Variants in CDH13 observed in about 807,000 individuals in gnomAD.
CDH13 encodes the protein cadherin 13.
Under a neutral mutation model 63.8 loss-of-function variants are expected in CDH13, and 24 were observed. That is an observed-to-expected ratio of 0.38 (90% CI 0.27 to 0.53). CDH13 has a LOEUF of 0.53. CDH13 is among the 20% of genes least tolerant of loss of function. The pLI, the probability that CDH13 is intolerant of heterozygous loss-of-function variation, is 0.85. For synonymous variants in CDH13, 503 were observed against 355.3 expected (o/e 1.42, Z -4.67); for missense variants, 1,049 against 903.1 (o/e 1.16, Z -2.07).
In CDH13 at chr16:83,214,603, G is replaced by C. The variant is rs1327707273; in HGVS notation, c.484-2742G>C. On this transcript the variant is annotated intron_variant, in intron 4 of 13. Coordinates refer to ENST00000567109, the MANE Select transcript of CDH13 (RefSeq NM_001257.5). ...TCAAAAAAAAAAAAAAAAAAAAAAA[G>C]AGGAAACCACCTATTCCCTCAGAAA... Among the ~76,000 whole-genome samples, 2 of 56,888 alleles carry C rather than the reference G, an allele frequency of 3.5e-5. 1 individual carries two copies. The highest frequency in any genetic ancestry group is 3.6e-4 in the Admixed American group (2 of 5,574). 37.3% of individuals were successfully genotyped at this position (56,888 alleles called of 152,430 possible).
chr16:82,912,116 G>T (rs1233417885), intron 2 of CDH13, among the ~76,000 whole-genome samples: 1 of 152,026 alleles, frequency 6.6e-6, no homozygotes. Flanking sequence ...AAACCTGTGG[G>T]AACAGCAGCT....
intron 6 of CDH13, among the ~76,000 whole-genome samples, chr16:83,408,744 C>G (rs546528826): frequency 1.3e-5 from 2 of 152,270 alleles, no homozygotes; most frequent in African/African-American, 2.4e-5. Flanking sequence ...TAAATGTAAC[C>G]TTCAGTTAAA....
intron 7 of CDH13, among the ~76,000 whole-genome samples, chr16:83,589,745 C>T (rs1906553607): frequency 1.3e-5 from 2 of 152,246 alleles, no homozygotes; most frequent in Middle Eastern, 3.4e-3. Flanking sequence ...AATTGCTATA[C>T]AGTGTCATTA....
chr16:83,580,045 C>G (rs1430245686), intron 7 of CDH13, among the ~76,000 whole-genome samples: 2 of 152,016 alleles, frequency 1.3e-5, no homozygotes, highest in Non-Finnish European at 2.9e-5. Context: ...GAATTAAGTA[C>G]TGCTGATAGA....
chr16:83,029,083 TTAAC>T (rs533318062), intron 2 of CDH13, among the ~76,000 whole-genome samples: 16 of 152,206 alleles, frequency 1.1e-4, no homozygotes, highest in Non-Finnish European at 1.8e-4. Context: ...ATTGTAAAGA[TTAAC>T]TAAGGTGATG....
chr16:83,135,125 C>A (rs1444363479), intron 4 of CDH13, among the ~76,000 whole-genome samples: 1 of 152,184 alleles, frequency 6.6e-6, no homozygotes, highest in East Asian at 1.9e-4. Flanking sequence ...TGGATCTAAG[C>A]CAAACATGGC....
At chr16:83,623,690 A>C (rs1459997318) in intron 8 of CDH13, among the ~76,000 whole-genome samples, 1 of 152,194 alleles carries the variant, frequency 6.6e-6, no homozygotes, top group Non-Finnish European at 1.5e-5. Flanking sequence ...GGTCTATAAT[A>C]ACCACGCACT....
chr16:83,191,530 C>T (rs112994606), intron 4 of CDH13, among the ~76,000 whole-genome samples: 21,169 of 72,814 alleles, frequency 0.29, 2,575 homozygotes, highest in Middle Eastern at 0.43. Flanking sequence ...CACACACACA[C>T]ATATATATAT....
At chr16:83,403,782 A>G (rs1405926890) in intron 6 of CDH13, among the ~76,000 whole-genome samples, 2 of 152,200 alleles carry the variant, frequency 1.3e-5, no homozygotes, top group Non-Finnish European at 2.9e-5. Context: ...CTCCACCAAC[A>G]TGGAATCCAT....
rs1239891398 is a variant in CDH13, at chr16:83,217,289, G to A, written c.484-56G>A. The stretch of plus-strand genomic sequence containing the variant: ...TTGCTCATGGGAGTATGTTTGCAAT[G>A]TGCTTTCTCTGTGTTTTCCAGGCAG... On this transcript the variant is annotated intron_variant, in intron 4 of 13. Coordinates refer to ENST00000567109, the MANE Select transcript of CDH13 (RefSeq NM_001257.5). 4 of 1,581,264 alleles carry A rather than the reference G, an allele frequency of 2.5e-6. No individual in the cohort carries two copies. The East Asian group carries it at 9.0e-5, about 35-fold the overall frequency.
At chr16:83,441,949 T>C (rs1428079511) in intron 6 of CDH13, among the ~76,000 whole-genome samples, 2 of 152,126 alleles carry the variant, frequency 1.3e-5, no homozygotes, top group African/African-American at 2.4e-5. Context: ...TTAAGAGGGC[T>C]TTATCTATAA....
chr16:83,185,075 G>A (rs936383884), intron 4 of CDH13, among the ~76,000 whole-genome samples: 8 of 151,944 alleles, frequency 5.3e-5, no homozygotes, highest in Non-Finnish European at 8.8e-5. Flanking sequence ...TGGTAAGGCC[G>A]ATACTACTAC....
At chr16:83,014,839 T>TGTATATATA (rs1491151402) in intron 2 of CDH13, among the ~76,000 whole-genome samples, 2 of 46,184 alleles carry the variant, frequency 4.3e-5, no homozygotes, top group African/African-American at 1.4e-4. Context: ...TGTATATATA[T>TGTATATATA]TTGTATATAT....
chr16:82,776,125 G>A lies in CDH13; in HGVS notation c.46-82237G>A, dbSNP rs550736211. Among the ~76,000 whole-genome samples, 10 of 152,168 alleles carry A rather than the reference G, an allele frequency of 6.6e-5. No homozygotes were observed. In the East Asian group the frequency reaches 7.7e-4, roughly 12 times the overall value. ...CTTGGGTGGGTGAGGCATGAGAATC[G>A]CTTGAACCCAGGAGGCAGAGGTTGC... On this transcript the variant is annotated intron_variant, in intron 1 of 13. Coordinates refer to ENST00000567109, the MANE Select transcript of CDH13 (RefSeq NM_001257.5).
intron 1 of CDH13, among the ~76,000 whole-genome samples, chr16:82,771,242 A>G (rs2035250514): frequency 6.6e-6 from 1 of 152,162 alleles, no homozygotes; most frequent in East Asian, 1.9e-4. Flanking sequence ...CCAGTTTTTT[A>G]CAATGATAAA....
chr16:83,576,621 A>G (rs570585137), intron 7 of CDH13, among the ~76,000 whole-genome samples: 22 of 152,234 alleles, frequency 1.4e-4, no homozygotes, highest in Non-Finnish European at 2.9e-4. Context: ...ATTCTAACCA[A>G]CAGTACACAA....
At chr16:83,716,840 C>T (rs1908984507) in intron 10 of CDH13, 1 of 152,156 alleles carries the variant, frequency 6.6e-6, no homozygotes, top group Non-Finnish European at 1.5e-5. Context: ...TTTTCATTCT[C>T]TCTAAAATCA....
chr16:83,712,620 C>A (rs939479599), intron 10 of CDH13, among the ~76,000 whole-genome samples: 16 of 152,170 alleles, frequency 1.1e-4, no homozygotes, highest in African/African-American at 3.9e-4. Context: ...GGCAAAGAGG[C>A]CTGGTTGCAA....
intron 6 of CDH13, among the ~76,000 whole-genome samples, chr16:83,429,069 C>A (rs1330306520): frequency 6.6e-6 from 1 of 152,214 alleles, no homozygotes. Flanking sequence ...AAGAGGAAAG[C>A]CTTATCCTTT....
Sources: allele counts gnomAD v4.1 joint callset (sites outside exome capture counted in the v4.1 genomes callset), GRCh38; gene constraint gnomAD v4.1.1; transcripts MANE v1.5; gene names NCBI Gene and HGNC (gene_info 2026-07-23, HGNC 2026-07-21).